HERC2: variants seen among roughly 807,000 people sequenced by gnomAD.
The protein encoded by HERC2 is HECT and RLD domain containing E3 ubiquitin protein ligase 2, also known as E3 ubiquitin-protein ligase HERC2.
HERC2 carries 102 observed loss-of-function variants against 537.7 expected under a neutral mutation model. The observed-to-expected ratio is 0.19, with a 90% CI of 0.16 to 0.22. The LOEUF (loss-of-function observed/expected upper bound fraction) is 0.22. HERC2 is among the 10% of genes least tolerant of loss of function. HERC2 has a pLI of 1.00. For synonymous variants in HERC2, 2,224 were observed against 2,466.2 expected, an observed-to-expected ratio of 0.90 and a Z score of 2.91; for missense variants, 4,236 against 6,198.2, an observed-to-expected ratio of 0.68 and a Z score of 10.63.
At chr15:28,272,083 G>A (rs2075745099) in intron 9 of HERC2, 132 bp downstream of exon 9, 1 of 788,204 alleles carries the variant, frequency 1.3e-6, no homozygotes, top group Non-Finnish European at 2.0e-6. Flanking sequence ...TGTCTCATCT[G>A]ACTCGCTGCT....
chr15:28,116,928 C>A, intron 87 of HERC2, 69 bp from the exon 88 acceptor site: 1 of 1,610,298 alleles, frequency 6.2e-7, no homozygotes, highest in Non-Finnish European at 8.5e-7. Flanking sequence ...CCAACGCTCC[C>A]ACACCATGTG....
chr15:28,137,815 T>G (rs1460482553), intron 78 of HERC2, among the ~76,000 whole-genome samples: 1 of 152,142 alleles, frequency 6.6e-6, no homozygotes, highest in African/African-American at 2.4e-5. Flanking sequence ...AGTCAAAAGC[T>G]AGAAATGATT....
At chr15:28,179,518 A>G (rs1895623549) in intron 57 of HERC2, among the ~76,000 whole-genome samples, 1 of 152,200 alleles carries the variant, frequency 6.6e-6, no homozygotes, top group Non-Finnish European at 1.5e-5. Flanking sequence ...CATATCAACA[A>G]TCCCTAATAC....
chr15:28,163,033 A>T (rs980888753), intron 69 of HERC2, 61 bp downstream of exon 69: 1 of 1,393,314 alleles, frequency 7.2e-7, no homozygotes, highest in Non-Finnish European at 9.9e-7. Flanking sequence ...TCCTTTGGAG[A>T]GGAGGGTGGC....
rs574441147 is a variant in HERC2 at position 28,261,722 on chromosome 15, C to G, written c.2123-752G>C. Among the ~76,000 whole-genome samples the G allele has an allele frequency of 2.0e-4, 31 of 152,282 alleles. No individual in the cohort carries two copies. In the South Asian group the frequency reaches 5.2e-3, roughly 25 times the overall value. ...GAAATTCAAATACCATTCAATGACA[C>G]AGAGTAAACTTCTTACTCTGCAACT... On this transcript the variant is annotated intron_variant, in intron 15 of 92. Coordinates refer to ENST00000261609, the MANE Select transcript of HERC2 (RefSeq NM_004667.6).
In HERC2 at chr15:28,135,357, T is replaced by C. The variant is rs1322054754; in HGVS notation, c.12230+121A>G. ...TCTGCCAAATGAGTCATTAACATTA[T>C]TTAGTTTGAGAGTATTGTAAATGTT... On this transcript the variant is annotated intron_variant, in intron 79 of 92. Coordinates refer to ENST00000261609, the MANE Select transcript of HERC2 (RefSeq NM_004667.6). 3 of 752,110 alleles carry C rather than the reference T, an allele frequency of 4.0e-6. No homozygotes were observed. In the African/African-American group the frequency reaches 5.2e-5, roughly 13 times the overall value. 46.6% of individuals were successfully genotyped at this position (752,110 alleles called of 1,614,324 possible).
intron 2 of HERC2, among the ~76,000 whole-genome samples, chr15:28,316,629 T>A (rs2077093860): frequency 6.6e-6 from 1 of 152,190 alleles, no homozygotes; most frequent in Non-Finnish European, 1.5e-5. Context: ...AAACCACCCT[T>A]AGAATCCAGT....
chr15:28,268,592 C>T lies in HERC2; in HGVS notation c.1471G>A (p.Ala491Thr). The T allele has an allele frequency of 6.2e-7, 1 of 1,614,142 alleles. No homozygotes were observed. Among genetic ancestry groups the T allele is most frequent in the Non-Finnish European group, 8.5e-7 (1 of 1,180,016 alleles). Reference protein sequence around the residue: ...TLAPQLVQGLASRNIVKIAAH... With the variant: ...TLAPQLVQGLTSRNIVKIAAH... The stretch of plus-strand genomic sequence containing the variant: ...GCAATTTTTACAATGTTTCTGGAGG[C>T]AAGGCCTTGGACCAGCTGTGGGGCC... The change falls in exon 12 of 93, where the codon GCC (alanine) becomes ACC (threonine). Residue 491 changes from alanine to threonine, a missense_variant. Ala to Thr is a moderately conservative substitution (Grantham distance 58, BLOSUM62 0). This residue lies in a region of HERC2 where 754 missense variants were observed against 1,085.0 expected (regional missense o/e 0.69). Coordinates refer to ENST00000261609, the MANE Select transcript of HERC2 (RefSeq NM_004667.6). The surrounding 1 kb of genome is among the most constrained non-coding windows in gnomAD (Gnocchi z 4.7).
At position 28,177,615 on chromosome 15, in the gene HERC2, G is replaced by A. The variant is rs540700358; in HGVS notation, c.9164-106C>T. ...GGCATATAGCACACACTCAATGAGC[G>A]TGAGCTGAATAAATGAGTAACTCAA... is the stretch of plus-strand genomic sequence containing the variant. On this transcript the variant is annotated intron_variant, in intron 59 of 92. Coordinates refer to ENST00000261609, the MANE Select transcript of HERC2 (RefSeq NM_004667.6). This position sits in a 1 kb window ranked among gnomAD's most constrained non-coding sequence, Gnocchi z 5.0. 483 of 915,992 alleles carry A rather than the reference G, an allele frequency of 5.3e-4. No individual in the cohort carries two copies. In the African/African-American group the frequency reaches 5.9e-3, roughly 11 times the overall value. 56.7% of individuals were successfully genotyped at this position (915,992 alleles called of 1,614,324 possible). A position where few individuals can be genotyped will look rare whatever the true frequency, so the allele number is the denominator to read the frequency against.
chr15:28,318,776 G>C (rs1190987912), intron 2 of HERC2, among the ~76,000 whole-genome samples: 8 of 151,816 alleles, frequency 5.3e-5, no homozygotes, highest in African/African-American at 1.9e-4. Flanking sequence ...AAGTCAATAA[G>C]TGCTCTCTAT....
rs148304532 is a variant in HERC2, at chr15:28,149,792, A to C, written c.10900+2885T>G. Among the ~76,000 whole-genome samples, 596 of 152,222 alleles carry C rather than the reference A, an allele frequency of 3.9e-3. 6 individuals are homozygous for C. The highest frequency in any genetic ancestry group is 0.014 in the African/African-American group (566 of 41,548). ...TCACACCAATGTATATTCTAGTAAAATCACCGAAAAAACACACGTGACTTC... is the reference window on the plus strand; with the variant it reads ...TCACACCAATGTATATTCTAGTAAACTCACCGAAAAAACACACGTGACTTC... On this transcript the variant is annotated intron_variant, in intron 70 of 92. Coordinates refer to ENST00000261609, the MANE Select transcript of HERC2 (RefSeq NM_004667.6).
chr15:28,116,194 C>T (rs1888222967), intron 88 of HERC2, among the ~76,000 whole-genome samples: 1 of 151,050 alleles, frequency 6.6e-6, no homozygotes, highest in African/African-American at 2.4e-5. Context: ...GTGAAAGGCA[C>T]GATCAATATT....
intron 7 of HERC2, 145 bp downstream of exon 7, chr15:28,274,146 C>A: frequency 1.4e-6 from 1 of 711,406 alleles, no homozygotes; most frequent in Non-Finnish European, 2.3e-6. Context: ...AGAACCCAGA[C>A]CCGGAATCAC....
intron 84 of HERC2, 40 bp downstream of exon 84, chr15:28,124,966 C>A: frequency 6.4e-7 from 1 of 1,561,202 alleles, no homozygotes; most frequent in Admixed American, 1.7e-5. Context: ...CAGGAGCACA[C>A]TTTGCTTGCC....
chr15:28,304,817 G>A (rs1444062587), intron 2 of HERC2, among the ~76,000 whole-genome samples: 32 of 127,942 alleles, frequency 2.5e-4, no homozygotes, highest in African/African-American at 8.3e-4. Flanking sequence ...CCACTAACTC[G>A]TCATCTAGCA....
chr15:28,173,791 C>CAAAA (rs756958450), intron 65 of HERC2, among the ~76,000 whole-genome samples: 3 of 70,930 alleles, frequency 4.2e-5, no homozygotes, highest in East Asian at 6.1e-4. Context: ...ACCCTGTCTA[C>CAAAA]AAAAAAAAAA....
intron 48 of HERC2, among the ~76,000 whole-genome samples, chr15:28,201,189 C>A (rs569599317): frequency 1.3e-5 from 2 of 152,136 alleles, no homozygotes; most frequent in Non-Finnish European, 2.9e-5. Flanking sequence ...AGGCTTTGCA[C>A]CCATGTCACC....
intron 69 of HERC2, among the ~76,000 whole-genome samples, chr15:28,161,635 G>T (rs1188776711): frequency 6.6e-6 from 1 of 152,182 alleles, no homozygotes; most frequent in Non-Finnish European, 1.5e-5. Context: ...AAAACCTTCA[G>T]TTCCTCAGGT....
intron 30 of HERC2, among the ~76,000 whole-genome samples, chr15:28,232,431 C>A (rs1244349891): frequency 6.6e-6 from 1 of 151,922 alleles, no homozygotes; most frequent in Non-Finnish European, 1.5e-5. Flanking sequence ...TGCCTATAAT[C>A]CCAGCTACTT....
Sources: gnomAD v4.1 joint callset for allele counts (sites outside exome capture counted in the v4.1 genomes callset) on GRCh38, gnomAD v4.1.1 for gene constraint, gnomAD v4.1.1 regional missense constraint, Gnocchi (gnomAD v3.1) non-coding constraint, MANE v1.5 for transcripts, NCBI Gene and HGNC (gene_info 2026-07-23, HGNC 2026-07-21) for gene names.